ITIH5: variants seen among roughly 807,000 people sequenced by gnomAD.
ITIH5 encodes inter-alpha-trypsin inhibitor heavy chain H5.
In ITIH5, 65 loss-of-function variants were observed where a neutral mutation model predicts 77.5. The ratio of observed to expected loss-of-function variants is 0.84; its 90% CI spans 0.69 to 1.03. The LOEUF (loss-of-function observed/expected upper bound fraction) is 1.03. Ranked by LOEUF, ITIH5 falls within the 50% of genes least tolerant of loss-of-function variation. The probability of loss-of-function intolerance (pLI) is 0.00; values close to 1 mark genes in which losing one functional copy is unlikely to be tolerated. For missense variants in ITIH5, 1,208 were observed against 1,213.1 expected (o/e 1.00, Z 0.06); for synonymous variants, 525 against 494.3 (o/e 1.06, Z -0.82).
At chr10:7,644,954 CACATATAT>C (rs1833987978) in intron 2 of ITIH5, among the ~76,000 whole-genome samples, 2 of 10,472 alleles carry the variant, frequency 1.9e-4, no homozygotes, top group African/African-American at 2.7e-4. Context: ...ATATATATCA[CACATATAT>C]ATATATATAT....
In ITIH5 at chr10:7,561,225, G is replaced by A. The variant is rs1448539708; in HGVS notation, c.*1858C>T. 6.6e-6 allele frequency: 1 copy of A among 152,258 alleles called. No individual in the cohort carries two copies. The highest frequency in any genetic ancestry group is 1.5e-5 in the Non-Finnish European group (1 of 68,052). The allele number at this position is 152,258 out of a possible 1,614,324, so 9.4% of individuals were successfully genotyped here. A position where few individuals can be genotyped will look rare whatever the true frequency, so the allele number is the denominator to read the frequency against. Reference sequence around the variant, plus strand: ...CTCAGCTCTTAAAGTAGCAACACAGGCAGTAGGAACTGGTCTTTCCTAATA... The same window carrying A: ...CTCAGCTCTTAAAGTAGCAACACAGACAGTAGGAACTGGTCTTTCCTAATA... On this transcript the variant is annotated 3_prime_UTR_variant, in exon 14 of 14. Coordinates refer to ENST00000397146, the MANE Select transcript of ITIH5 (RefSeq NM_030569.7).
intron 1 of ITIH5, among the ~76,000 whole-genome samples, chr10:7,665,580 T>C (rs1438614656): frequency 1.3e-5 from 2 of 152,232 alleles, no homozygotes; most frequent in African/African-American, 4.8e-5. Flanking sequence ...ACCAAGCCCA[T>C]GCCTTCAGCC....
Position 7,563,029 on chromosome 10 carries a change from C to A in ITIH5, c.*54G>T. ...ACAAGCCATGAAAAGAGCTGCCCCA[C>A]GGCCTCCCCACATCACTGTCCTTCA... On this transcript the variant is annotated 3_prime_UTR_variant, in exon 14 of 14. Coordinates refer to ENST00000397146, the MANE Select transcript of ITIH5 (RefSeq NM_030569.7). The A allele has an allele frequency of 6.6e-7, 1 of 1,521,736 alleles. No homozygotes were observed. Among genetic ancestry groups the A allele is most frequent in the Non-Finnish European group, 9.1e-7 (1 of 1,096,414 alleles). 94.3% of individuals were successfully genotyped at this position (1,521,736 alleles called of 1,614,324 possible).
chr10:7,592,435 A>G (rs948889723), intron 7 of ITIH5, among the ~76,000 whole-genome samples: 1 of 152,166 alleles, frequency 6.6e-6, no homozygotes, highest in African/African-American at 2.4e-5. Flanking sequence ...AGAGAAGAAC[A>G]GAGATAGAGG....
At chr10:7,630,769 G>A (rs1208433688) in intron 5 of ITIH5, among the ~76,000 whole-genome samples, 1 of 151,838 alleles carries the variant, frequency 6.6e-6, no homozygotes, top group Non-Finnish European at 1.5e-5. Flanking sequence ...TCTGTAGGTT[G>A]TCTTTTTAGA....
chr10:7,662,001 C>T (rs540846772), intron 1 of ITIH5, among the ~76,000 whole-genome samples: 173 of 152,226 alleles, frequency 1.1e-3, no homozygotes, highest in African/African-American at 4.0e-3. Flanking sequence ...TGTGCCTGGC[C>T]GATTAAAATT....
Position 7,560,132 on chromosome 10 carries a change from G to C in ITIH5, c.*2951C>G. 4.1e-6 allele frequency: 1 copy of C among 246,522 alleles called. No individual in the cohort carries two copies. Among genetic ancestry groups the C allele is most frequent in the South Asian group, 5.2e-5 (1 of 19,358 alleles). 15.3% of individuals were successfully genotyped at this position (246,522 alleles called of 1,614,324 possible). A position where few individuals can be genotyped will look rare whatever the true frequency, so the allele number is the denominator to read the frequency against. On this transcript the variant is annotated 3_prime_UTR_variant, in exon 14 of 14. Transcript: ENST00000397146. ...CCCAAAATGTTGGGATTACAGGTGT[G>C]AGCCACTGCACCTGGCCCCATGTCT... is the stretch of plus-strand genomic sequence containing the variant.
At chr10:7,627,057 G>A (rs1276287592) in intron 5 of ITIH5, among the ~76,000 whole-genome samples, 1 of 152,100 alleles carries the variant, frequency 6.6e-6, no homozygotes, top group African/African-American at 2.4e-5. Context: ...AAGTGTCTAC[G>A]AAGACAACCG....
intron 8 of ITIH5, among the ~76,000 whole-genome samples, chr10:7,585,608 C>T (rs536791973): frequency 6.4e-4 from 98 of 152,248 alleles, no homozygotes; most frequent in African/African-American, 2.3e-3. Flanking sequence ...GTTTTTGTAT[C>T]AGCAAGACTT....
At chr10:7,571,204 C>G (rs1378645941) in intron 11 of ITIH5, among the ~76,000 whole-genome samples, 1 of 152,068 alleles carries the variant, frequency 6.6e-6, no homozygotes, top group Admixed American at 6.6e-5. Context: ...TGGGGAAAAA[C>G]TGACCCCCAG....
chr10:7,619,409 TCTCACAG>T (rs1833432534), intron 5 of ITIH5: 1 of 154,652 alleles, frequency 6.5e-6, no homozygotes, highest in Non-Finnish European at 1.4e-5. Flanking sequence ...ATAGTACCAA[TCTCACAG>T]TATTGAAAAG....
At chr10:7,613,043 G>C (rs150274269) in intron 7 of ITIH5, among the ~76,000 whole-genome samples, 1 of 152,076 alleles carries the variant, frequency 6.6e-6, no homozygotes, top group Non-Finnish European at 1.5e-5. Flanking sequence ...TTAGGAGTTC[G>C]AGACCAGCCT....
chr10:7,610,959 CTGT>C (rs1286001633), intron 7 of ITIH5, among the ~76,000 whole-genome samples: 21 of 152,242 alleles, frequency 1.4e-4, no homozygotes, highest in African/African-American at 4.8e-4. Flanking sequence ...GATCTGACAT[CTGT>C]TATTACATTG....
intron 5 of ITIH5, among the ~76,000 whole-genome samples, chr10:7,635,449 C>G (rs181004437): frequency 1.3e-5 from 2 of 152,296 alleles, no homozygotes; most frequent in East Asian, 3.9e-4. Flanking sequence ...CAGCTACCAC[C>G]TGCATGACCT....
chr10:7,578,807 G>C (rs1203405612), intron 9 of ITIH5: 3 of 151,970 alleles, frequency 2.0e-5, no homozygotes, highest in African/African-American at 7.3e-5. Context: ...CAGCAAAGGA[G>C]CAGACTGATG....
intron 2 of ITIH5, among the ~76,000 whole-genome samples, chr10:7,646,805 G>T (rs1001033814): frequency 6.6e-6 from 1 of 152,148 alleles, no homozygotes; most frequent in African/African-American, 2.4e-5. Flanking sequence ...GTAGCCATAG[G>T]CTTTACCGGT....
At position 7,617,221 on chromosome 10, in the gene ITIH5, AATT is replaced by A; in HGVS notation, c.711_713del (p.Ile238del). On this transcript the variant is annotated inframe_deletion, in exon 6 of 14. Coordinates refer to ENST00000397146, the MANE Select transcript of ITIH5 (RefSeq NM_030569.7). ...CTTGTTGTACTACAGTAGGTTTAAAAATTATGTTGGCAAATGTTTCATTTTGGT... is the reference window on the plus strand; with the variant it reads ...CTTGTTGTACTACAGTAGGTTTAAAAATGTTGGCAAATGTTTCATTTTGGT... 3 of 1,601,652 alleles carry A rather than the reference AATT, an allele frequency of 1.9e-6. No individual in the cohort carries two copies. Among genetic ancestry groups the A allele is most frequent in the Non-Finnish European group, 2.6e-6 (3 of 1,174,836 alleles).
chr10:7,654,813 CATGTTT>C (rs1413080011), intron 2 of ITIH5, among the ~76,000 whole-genome samples: 1 of 152,092 alleles, frequency 6.6e-6, no homozygotes, highest in Admixed American at 6.5e-5. Flanking sequence ...CAGTTCTTGA[CATGTTT>C]AGGTACATAT....
chr10:7,582,083 G>C (rs573632468), intron 8 of ITIH5, among the ~76,000 whole-genome samples: 2 of 151,312 alleles, frequency 1.3e-5, no homozygotes, highest in South Asian at 2.1e-4. Flanking sequence ...CACCATGTTG[G>C]CCAGGCTGGT....
Sources: gnomAD v4.1 joint callset for allele counts (sites outside exome capture counted in the v4.1 genomes callset) on GRCh38, gnomAD v4.1.1 for gene constraint, MANE v1.5 for transcripts, NCBI Gene and HGNC (gene_info 2026-07-23, HGNC 2026-07-21) for gene names.